The following HHAT variants were observed in gnomAD, a reference collection of about 807,000 sequenced individuals.
HHAT encodes the protein hedgehog acyltransferase.
Under a neutral mutation model 70.8 loss-of-function variants are expected in HHAT, and 47 were observed. That is an observed-to-expected ratio of 0.66 (90% confidence interval 0.53 to 0.85). The LOEUF is 0.85. Among genes scored for constraint, HHAT ranks in the 40% least tolerant of loss-of-function variants. The pLI, the probability that HHAT is intolerant of heterozygous loss-of-function variation, is 0.00. For synonymous variants in HHAT, 228 were observed against 247.6 expected (o/e 0.92, Z 0.74); for missense variants, 609 against 604.8 (o/e 1.01, Z -0.07).
intron 5 of HHAT, 32 bp downstream of exon 5, chr1:210,400,694 A>C (rs770105781): frequency 1.3e-6 from 2 of 1,588,064 alleles, no homozygotes; most frequent in East Asian, 4.5e-5. Flanking sequence ...TTGGGAATCC[A>C]GAGAAGGCCC....
At chr1:210,374,073 C>G (rs908576807) in intron 3 of HHAT, 3 of 152,196 alleles carry the variant, frequency 2.0e-5, no homozygotes, top group Admixed American at 1.3e-4. Flanking sequence ...AATGTTTAAA[C>G]AAACAGTGAC....
chr1:210,384,661 C>T (rs752125220), intron 3 of HHAT, among the ~76,000 whole-genome samples: 2 of 152,212 alleles, frequency 1.3e-5, no homozygotes, highest in Non-Finnish European at 2.9e-5. Flanking sequence ...GATTTAGCTC[C>T]AGTTTATATC....
At chr1:210,450,665 T>C (rs1572531285) in intron 7 of HHAT, among the ~76,000 whole-genome samples, 1 of 151,564 alleles carries the variant, frequency 6.6e-6, no homozygotes, top group East Asian at 2.0e-4. Context: ...GCACATTTTA[T>C]AATGAATCTA....
rs3765882 is a variant in HHAT at position 210,356,874 on chromosome 1, C to T, written c.92-5978C>T. On this transcript the variant is annotated intron_variant, in intron 2 of 11. Transcript: ENST00000261458. ...TGGTCCTGTCCTTGAACCAGGTGTC[C>T]TTGCTCTTGGAACCAGGTGAGCTGA... Among the ~76,000 whole-genome samples the T allele has an allele frequency of 3.2e-4, 49 of 152,306 alleles. No individual in the cohort carries two copies. In the East Asian group the frequency reaches 3.5e-3, roughly 11 times the overall value.
intron 1 of HHAT, among the ~76,000 whole-genome samples, chr1:210,346,820 T>A (rs564257297): frequency 7.6e-4 from 116 of 152,346 alleles, no homozygotes; most frequent in Middle Eastern, 3.4e-3. Flanking sequence ...TTAATGGGAT[T>A]GGCCATGGCA....
intron 9 of HHAT, among the ~76,000 whole-genome samples, chr1:210,572,590 C>T (rs1016504210): frequency 6.6e-6 from 1 of 152,162 alleles, no homozygotes; most frequent in Non-Finnish European, 1.5e-5. Flanking sequence ...TCATCTCAGG[C>T]TTCCTACAAG....
At chr1:210,667,814 G>T (rs1402901752) in intron 11 of HHAT, among the ~76,000 whole-genome samples, 2 of 152,046 alleles carry the variant, frequency 1.3e-5, no homozygotes. Flanking sequence ...TAGTTTTGTT[G>T]TCATGGTAAA....
In HHAT at chr1:210,588,003, C is replaced by G. The variant is rs1471597942; in HGVS notation, c.1149C>G (p.Asp383Glu). Residue 383 changes from aspartate to glutamate, a missense_variant, in exon 10 of 12, where the codon GAC becomes GAG. Physicochemically the swap from Asp to Glu is conservative, Grantham distance 45. Coordinates refer to ENST00000261458, the MANE Select transcript of HHAT (RefSeq NM_018194.6). ...TGAGCTACTGGCATGGCGGCTACGA[C>G]TACCTCTGGTGCTGGGCAGCGCTCA... is the stretch of plus-strand genomic sequence containing the variant. ...AFVSYWHGGY[D>E]YLWCWAALNW... The G allele has an allele frequency of 6.2e-7, 1 of 1,614,018 alleles. No homozygotes were observed. The highest frequency in any genetic ancestry group is 8.5e-7 in the Non-Finnish European group (1 of 1,180,036).
In HHAT at chr1:210,367,004, T is replaced by G. The variant is rs569810538; in HGVS notation, c.159+4085T>G. 3.9e-5 allele frequency among the ~76,000 whole-genome samples: 6 copies of G among 152,276 alleles called. No homozygotes were observed. The East Asian group carries it at 7.7e-4, about 20-fold the overall frequency. ...GAGTGTCTCTGTGCTCAAGTCCATA[T>G]GGAGCGCTGGGGACAGTGGTGAGCC... is the stretch of plus-strand genomic sequence containing the variant. On this transcript the variant is annotated intron_variant, in intron 3 of 11. Coordinates refer to ENST00000261458, the MANE Select transcript of HHAT (RefSeq NM_018194.6).
At chr1:210,518,837 A>G (rs1365612357) in intron 9 of HHAT, among the ~76,000 whole-genome samples, 2 of 152,214 alleles carry the variant, frequency 1.3e-5, no homozygotes, top group African/African-American at 4.8e-5. Context: ...TTCAGGGCAT[A>G]CATACAGACC....
intron 7 of HHAT, among the ~76,000 whole-genome samples, chr1:210,442,927 A>G (rs1006871080): frequency 5.3e-5 from 8 of 152,046 alleles, no homozygotes; most frequent in African/African-American, 1.4e-4. Context: ...GTCCTTGCCC[A>G]TGCCTATGTC....
At chr1:210,396,938 T>C (rs1310047744) in intron 4 of HHAT, among the ~76,000 whole-genome samples, 1 of 152,206 alleles carries the variant, frequency 6.6e-6, no homozygotes, top group East Asian at 1.9e-4. Context: ...CAAGGAATCC[T>C]TGTGGTGATG....
intron 11 of HHAT, among the ~76,000 whole-genome samples, chr1:210,661,978 T>C (rs548297085): frequency 2.0e-4 from 30 of 151,260 alleles, no homozygotes; most frequent in African/African-American, 6.9e-4. Context: ...GAACTTAAAG[T>C]ATAATTTAAA....
rs889834470 is a variant in HHAT, at chr1:210,555,914, C to T, written c.1044-31984C>T. ...GCCTGATTAATATTGATTGGAATTTCTTCCTACCAATACATTTGCTTATTA... is the reference window on the plus strand; with the variant it reads ...GCCTGATTAATATTGATTGGAATTTTTTCCTACCAATACATTTGCTTATTA... On this transcript the variant is annotated intron_variant, in intron 9 of 11. Coordinates refer to ENST00000261458, the MANE Select transcript of HHAT (RefSeq NM_018194.6). Among the ~76,000 whole-genome samples, 5 of 152,158 alleles carry T rather than the reference C, an allele frequency of 3.3e-5. No individual in the cohort carries two copies. The East Asian group carries it at 9.6e-4, about 29-fold the overall frequency.
At chr1:210,468,167 C>T (rs1223872549) in intron 8 of HHAT, among the ~76,000 whole-genome samples, 1 of 152,126 alleles carries the variant, frequency 6.6e-6, no homozygotes, top group African/African-American at 2.4e-5. Context: ...TCTTATGGAC[C>T]TGAGAAATTG....
intron 7 of HHAT, among the ~76,000 whole-genome samples, chr1:210,453,406 C>A (rs1376776239): frequency 6.6e-6 from 1 of 152,180 alleles, no homozygotes; most frequent in Non-Finnish European, 1.5e-5. Flanking sequence ...AAGATAATTT[C>A]ATGGTGCATG....
At chr1:210,344,273 ATTGTTTCATTGAAACAATGT>A (rs1558317223) in intron 1 of HHAT, among the ~76,000 whole-genome samples, 3 of 48,362 alleles carry the variant, frequency 6.2e-5, no homozygotes, top group African/African-American at 3.6e-4. Context: ...AAACTATGTT[ATTGTTTCATTGAAACAATGT>A]TATTGTTTCC....
intron 8 of HHAT, among the ~76,000 whole-genome samples, chr1:210,505,841 G>C (rs1205792289): frequency 6.6e-6 from 1 of 152,212 alleles, no homozygotes; most frequent in Non-Finnish European, 1.5e-5. Flanking sequence ...CATGACAACA[G>C]TGGTTCTAAA....
At chr1:210,331,772 A>G (rs1048957596) in intron 1 of HHAT, among the ~76,000 whole-genome samples, 3 of 152,346 alleles carry the variant, frequency 2.0e-5, no homozygotes, top group Non-Finnish European at 4.4e-5. Context: ...GAGTGCAGCC[A>G]CTTATCTGCC....
Sources: allele counts gnomAD v4.1 joint callset (sites outside exome capture counted in the v4.1 genomes callset), GRCh38; gene constraint gnomAD v4.1.1; transcripts MANE v1.5; gene names NCBI Gene and HGNC (gene_info 2026-07-23, HGNC 2026-07-21).